PARD3B: variants seen among roughly 807,000 people sequenced by gnomAD.
PARD3B encodes partitioning defective 3 homolog B.
In PARD3B, 103 loss-of-function variants were observed where a neutral mutation model predicts 130.2. The observed-to-expected ratio is 0.79, with a 90% CI of 0.67 to 0.93. The LOEUF is 0.93. Ranked by LOEUF, PARD3B falls within the 40% of genes least tolerant of loss-of-function variation. The pLI is 0.00. For synonymous variants in PARD3B, 583 were observed against 553.2 expected, an observed-to-expected ratio of 1.05 and a Z score of -0.76; for missense variants, 1,609 against 1,499.2, an observed-to-expected ratio of 1.07 and a Z score of -1.21.
intron 20 of PARD3B, among the ~76,000 whole-genome samples, chr2:205,481,121 G>C (rs373279133): frequency 1.4e-4 from 22 of 152,294 alleles, no homozygotes; most frequent in African/African-American, 5.1e-4. Context: ...GGAATGGTTT[G>C]AGAATTAGGC....
At chr2:204,817,953 C>T (rs1264382277) in intron 2 of PARD3B, among the ~76,000 whole-genome samples, 1 of 152,068 alleles carries the variant, frequency 6.6e-6, no homozygotes, top group Non-Finnish European at 1.5e-5. Context: ...TATCTGGTCT[C>T]TTCTCCTTCC....
In PARD3B at chr2:204,673,081, A is replaced by C. The variant is rs530666638; in HGVS notation, c.121-13100A>C. 2.6e-5 allele frequency among the ~76,000 whole-genome samples: 4 copies of C among 152,258 alleles called. No homozygotes were observed. The highest frequency in any genetic ancestry group is 9.6e-5 in the African/African-American group (4 of 41,556). On this transcript the variant is annotated intron_variant, in intron 1 of 22. Coordinates refer to ENST00000406610, the MANE Select transcript of PARD3B (RefSeq NM_001302769.2). The surrounding 1 kb of genome is among the most constrained non-coding windows in gnomAD (Gnocchi z 4.7). ...ATATTGTTCCCATTTATGAGTGGTA[A>C]ATTTTGAATTTCAGCCTAGTCTTAC...
At chr2:205,233,217 A>G (rs2125898321) in intron 15 of PARD3B, among the ~76,000 whole-genome samples, 1 of 152,316 alleles carries the variant, frequency 6.6e-6, no homozygotes, top group South Asian at 2.1e-4. Context: ...ATCGTGTAAC[A>G]GTATCTTTAA....
intron 22 of PARD3B, among the ~76,000 whole-genome samples, chr2:205,609,187 G>C (rs896157434): frequency 6.6e-6 from 1 of 152,220 alleles, no homozygotes; most frequent in African/African-American, 2.4e-5. Flanking sequence ...GGACCGAGGA[G>C]GAAGGTCTGG....
chr2:204,809,023 T>C (rs547163408), intron 2 of PARD3B, among the ~76,000 whole-genome samples: 1 of 152,294 alleles, frequency 6.6e-6, no homozygotes, highest in Non-Finnish European at 1.5e-5. Flanking sequence ...ATTTCTCTAA[T>C]GATGAGTGAT....
At position 204,887,866 on chromosome 2, in the gene PARD3B, G is replaced by A. The variant is rs1208085832; in HGVS notation, c.223-77286G>A. Among the ~76,000 whole-genome samples, 2 of 152,142 alleles carry A rather than the reference G, an allele frequency of 1.3e-5. No individual in the cohort carries two copies. The highest frequency in any genetic ancestry group is 1.9e-4 in the East Asian group (1 of 5,172). ...GTTGACACTGTCATTGGGTGCTGTG[G>A]ATTTATGGCAAAGGGCTCACTATGG... On this transcript the variant is annotated intron_variant, in intron 2 of 22. Transcript: ENST00000406610. The surrounding 1 kb of genome is among the most constrained non-coding windows in gnomAD (Gnocchi z 4.2).
intron 11 of PARD3B, among the ~76,000 whole-genome samples, chr2:205,166,259 AGAT>A (rs1480623391): frequency 6.6e-6 from 1 of 152,208 alleles, no homozygotes; most frequent in Non-Finnish European, 1.5e-5. Context: ...GTGGGTGTTG[AGAT>A]GATGAAGCAT....
chr2:204,587,977 C>G lies in PARD3B; in HGVS notation c.120+41858C>G, dbSNP rs560776550. Among the ~76,000 whole-genome samples, 20 of 152,276 alleles carry G rather than the reference C, an allele frequency of 1.3e-4. No individual in the cohort carries two copies. The East Asian group carries it at 2.7e-3, about 21-fold the overall frequency. On this transcript the variant is annotated intron_variant, in intron 1 of 22. Transcript: ENST00000406610. ...GTGCTGAACTGTGAGTCAATTAAAC[C>G]TCTTTCATTTATAAATGACCCAGTC...
At chr2:204,971,609 C>T (rs1418860502) in intron 3 of PARD3B, among the ~76,000 whole-genome samples, 1 of 151,300 alleles carries the variant, frequency 6.6e-6, no homozygotes, top group Non-Finnish European at 1.5e-5. Flanking sequence ...CCTTTCCTTC[C>T]CTGGGAGTCT....
rs769715323 is a variant in PARD3B at position 205,440,479 on chromosome 2, C to T, written c.2851C>T (p.Pro951Ser). 1.1e-5 allele frequency: 17 copies of T among 1,613,832 alleles called. No homozygotes were observed. In the Admixed American group the frequency reaches 1.5e-4, roughly 14 times the overall value. Reference sequence around the variant, plus strand: ...TGATATGGATGATGATGAAATGGACCCCAATTATGCCAGAGTGAACCACTT... The same window carrying T: ...TGATATGGATGATGATGAAATGGACTCCAATTATGCCAGAGTGAACCACTT... ...VYDMDDDEMD[P>S]NYARVNHFRE... The change falls in exon 20 of 23, where the codon CCC becomes TCC. Residue 951 changes from proline to serine, a missense_variant. Coordinates refer to ENST00000406610, the MANE Select transcript of PARD3B (RefSeq NM_001302769.2). This position sits in a 1 kb window ranked among gnomAD's most constrained non-coding sequence, Gnocchi z 4.2.
At chr2:204,657,498 C>A (rs938672265) in intron 1 of PARD3B, among the ~76,000 whole-genome samples, 1 of 151,948 alleles carries the variant, frequency 6.6e-6, no homozygotes, top group South Asian at 2.1e-4. Flanking sequence ...AGAGGTGAGA[C>A]CCTGTCTAAA....
At chr2:205,500,199 G>C (rs2050108841) in intron 21 of PARD3B, among the ~76,000 whole-genome samples, 168 bp downstream of exon 21, 1 of 152,148 alleles carries the variant, frequency 6.6e-6, no homozygotes, top group Non-Finnish European at 1.5e-5. Flanking sequence ...CACAGAAGCT[G>C]TTTATGGAAA....
At chr2:204,911,723 C>G (rs1318126784) in intron 2 of PARD3B, among the ~76,000 whole-genome samples, 4 of 152,206 alleles carry the variant, frequency 2.6e-5, no homozygotes, top group African/African-American at 9.6e-5. Flanking sequence ...AACAGGGCAT[C>G]TGCCCATAGC....
chr2:205,518,406 A>ACTGTTTT (rs531037570), intron 21 of PARD3B, among the ~76,000 whole-genome samples: 4 of 151,746 alleles, frequency 2.6e-5, no homozygotes, highest in African/African-American at 9.7e-5. Flanking sequence ...TGCAGCCTCT[A>ACTGTTTT]CTGTTTTCTG....
chr2:204,966,201 T>C (rs1575437158), intron 3 of PARD3B, among the ~76,000 whole-genome samples: 1 of 152,226 alleles, frequency 6.6e-6, no homozygotes, highest in African/African-American at 2.4e-5. Context: ...TGAAATAAAA[T>C]ATATACTGTA....
intron 20 of PARD3B, among the ~76,000 whole-genome samples, chr2:205,456,923 CATAAATTTA>C (rs1294511248): frequency 8.0e-5 from 12 of 149,544 alleles, no homozygotes; most frequent in East Asian, 3.9e-4. Flanking sequence ...AATAATTTAT[CATAAATTTA>C]ATAAATTTAA....
At chr2:205,593,746 A>G (rs968557575) in intron 22 of PARD3B, among the ~76,000 whole-genome samples, 2 of 152,204 alleles carry the variant, frequency 1.3e-5, no homozygotes, top group Non-Finnish European at 2.9e-5. Context: ...TGGGGTAGAA[A>G]TGCCACAGTA....
At position 204,710,186 on chromosome 2, in the gene PARD3B, A is replaced by G. The variant is rs143850806; in HGVS notation, c.222+23904A>G. 3.2e-4 allele frequency among the ~76,000 whole-genome samples: 49 copies of G among 152,284 alleles called. No homozygotes were observed. The East Asian group carries it at 7.3e-3, about 23-fold the overall frequency. On this transcript the variant is annotated intron_variant, in intron 2 of 22. Coordinates refer to ENST00000406610, the MANE Select transcript of PARD3B (RefSeq NM_001302769.2). Reference sequence around the variant, plus strand: ...TTAAATGGTTAGGTTAAGGTAGCATATATTTGGGAAGACATTGTCCTGCTG... The same window carrying G: ...TTAAATGGTTAGGTTAAGGTAGCATGTATTTGGGAAGACATTGTCCTGCTG...
intron 14 of PARD3B, among the ~76,000 whole-genome samples, chr2:205,192,406 A>G (rs941235644): frequency 6.6e-6 from 1 of 152,198 alleles, no homozygotes; most frequent in African/African-American, 2.4e-5. Flanking sequence ...CAAACAGATG[A>G]GAGTGCCAAG....
Sources: gnomAD v4.1 joint callset for allele counts (sites outside exome capture counted in the v4.1 genomes callset) on GRCh38, gnomAD v4.1.1 for gene constraint, Gnocchi (gnomAD v3.1) non-coding constraint, MANE v1.5 for transcripts, NCBI Gene and HGNC (gene_info 2026-07-23, HGNC 2026-07-21) for gene names.